Variants in C9orf72 observed in about 807,000 individuals in gnomAD.
The protein encoded by C9orf72 is C9orf72-SMCR8 complex subunit.
Under a neutral mutation model 51.6 loss-of-function variants are expected in C9orf72, and 44 were observed. The observed-to-expected ratio is 0.85, with a 90% CI of 0.67 to 1.10. The LOEUF (loss-of-function observed/expected upper bound fraction) is 1.10, where lower values mean the gene tolerates loss of function less well. Ranked by LOEUF, C9orf72 falls within the 50% of genes least tolerant of loss-of-function variation. The pLI is 0.00. For synonymous variants in C9orf72, 213 were observed against 194.2 expected, an observed-to-expected ratio of 1.10 and a Z score of -0.81; for missense variants, 607 against 570.6, an observed-to-expected ratio of 1.06 and a Z score of -0.65.
Position 27,566,879 on chromosome 9 carries a change from T to A in C9orf72, c.242A>T (p.Asp81Val). 1 of 1,613,976 alleles carries A rather than the reference T, an allele frequency of 6.2e-7. No individual in the cohort carries two copies. Among genetic ancestry groups the A allele is most frequent in the Admixed American group, 1.7e-5 (1 of 59,986 alleles). ...TTCAGACAAGACAAAAAACTTTACA[T>A]CTATAGCACCACTCTCTGCATTTCG... ...ILRNAESGAI[D>V]VKFFVLSEKG... The change falls in exon 2 of 11, where the codon GAT becomes GTT. Residue 81 changes from aspartate (D) to valine (V), a missense_variant. Physicochemically the swap from Asp to Val is radical, Grantham distance 152. Coordinates refer to ENST00000380003, the MANE Select transcript of C9orf72 (RefSeq NM_018325.5).
intron 9 of C9orf72, among the ~76,000 whole-genome samples, 200 bp from the exon 10 acceptor site, chr9:27,548,866 G>A (rs1820842217): frequency 6.8e-6 from 1 of 146,680 alleles, no homozygotes. Context: ...TTTTTTTTGA[G>A]ACGGAGTCTA....
At chr9:27,571,440 C>T (rs778508669) in intron 1 of C9orf72, among the ~76,000 whole-genome samples, 3 of 152,088 alleles carry the variant, frequency 2.0e-5, no homozygotes, top group African/African-American at 4.8e-5. Context: ...AGTGAAAATT[C>T]TACAATCATA....
intron 8 of C9orf72, among the ~76,000 whole-genome samples, chr9:27,553,874 A>T (rs1156610971): frequency 1.3e-5 from 2 of 152,308 alleles, no homozygotes; most frequent in Middle Eastern, 3.4e-3. Flanking sequence ...ACCCCACTAC[A>T]AACTGGGCAA....
chr9:27,566,863 G>C lies in C9orf72; in HGVS notation c.258C>G (p.Val86=). 1 of 1,613,858 alleles carries C rather than the reference G, an allele frequency of 6.2e-7. No homozygotes were observed. The highest frequency in any genetic ancestry group is 8.5e-7 in the Non-Finnish European group (1 of 1,179,892). ...CAATAATCACTCCCTTTTCAGACAA[G>C]ACAAAAAACTTTACATCTATAGCAC... ...ESGAIDVKFF[V]LSEKGVIIVS... Residue 86 remains valine (V), a synonymous_variant, in exon 2 of 11, where the codon GTC becomes GTG. Transcript: ENST00000380003.
intron 8 of C9orf72, among the ~76,000 whole-genome samples, chr9:27,555,293 C>G (rs1820986339): frequency 6.6e-6 from 1 of 152,162 alleles, no homozygotes; most frequent in Admixed American, 6.5e-5. Context: ...AAAAATGGGT[C>G]CTATATTAAG....
At position 27,561,632 on chromosome 9, in the gene C9orf72, G is replaced by A. The variant is rs756381310; in HGVS notation, c.618C>T (p.Leu206=). ...PEEIDIADTV[L]NDDDIGDSCH... ...AGCTGTCACCAATATCATCATCATT[G>A]AGTACTGTATCAGCTATCTAAAATG... Residue 206 remains leucine (L), a synonymous_variant, in exon 5 of 11, where the codon CTC becomes CTT. Coordinates refer to ENST00000380003, the MANE Select transcript of C9orf72 (RefSeq NM_018325.5). The A allele has an allele frequency of 1.2e-6, 2 of 1,605,456 alleles. No homozygotes were observed. The highest frequency in any genetic ancestry group is 8.5e-7 in the Non-Finnish European group (1 of 1,173,318).
intron 2 of C9orf72, among the ~76,000 whole-genome samples, chr9:27,566,129 C>T (rs772591290): frequency 4.6e-5 from 7 of 152,082 alleles, no homozygotes; most frequent in African/African-American, 7.2e-5. Flanking sequence ...CAAAACTATA[C>T]TGAAATGTAA....
chr9:27,572,668 G>C (rs762979941), intron 1 of C9orf72, among the ~76,000 whole-genome samples: 1 of 152,116 alleles, frequency 6.6e-6, no homozygotes, highest in African/African-American at 2.4e-5. Context: ...CCTCCCTCCT[G>C]TTTCTGAATA....
intron 8 of C9orf72, among the ~76,000 whole-genome samples, chr9:27,553,781 AT>A (rs889386190): frequency 6.6e-6 from 1 of 152,190 alleles, no homozygotes; most frequent in African/African-American, 2.4e-5. Flanking sequence ...TGGGAGAAAA[AT>A]ATCTGCAAAC....
In C9orf72 at chr9:27,566,703, G is replaced by T; in HGVS notation, c.418C>A (p.Arg140=). The change falls in exon 2 of 11, where the codon CGG becomes AGG. Residue 140 remains arginine, a synonymous_variant. Coordinates refer to ENST00000380003, the MANE Select transcript of C9orf72 (RefSeq NM_018325.5). Reference sequence around the variant, plus strand: ...TTATGCATCCATATTCTTCCTTTCCGGATTATATGTGTTAATCTATCAACA... The same window carrying T: ...TTATGCATCCATATTCTTCCTTTCCTGATTATATGTGTTAATCTATCAACA... ...VCVDRLTHII[R]KGRIWMHKER... The T allele has an allele frequency of 6.2e-7, 1 of 1,605,822 alleles. No individual in the cohort carries two copies. Among genetic ancestry groups the T allele is most frequent in the Non-Finnish European group, 8.5e-7 (1 of 1,174,866 alleles).
At chr9:27,552,399 G>A (rs575454097) in intron 8 of C9orf72, among the ~76,000 whole-genome samples, 175 of 152,164 alleles carry the variant, frequency 1.2e-3, no homozygotes, top group Non-Finnish European at 2.0e-3. Context: ...CCAGGCTGGA[G>A]TGCGGTGGCA....
rs117058750 is a variant in C9orf72, at chr9:27,567,335, A to T, written c.-44-171T>A. On this transcript the variant is annotated intron_variant, in intron 1 of 10. Transcript: ENST00000380003. Reference sequence around the variant, plus strand: ...AACTAGCACAGTAGGTGCACATTAAATGTTTGTTGATATGATCATTTTACA... The same window carrying T: ...AACTAGCACAGTAGGTGCACATTAATTGTTTGTTGATATGATCATTTTACA... 7.7e-3 allele frequency among the ~76,000 whole-genome samples: 1,177 copies of T among 152,292 alleles called. 48 individuals carry two copies. The highest frequency in any genetic ancestry group is 0.069 in the Admixed American group (1,051 of 15,290).
intron 8 of C9orf72, among the ~76,000 whole-genome samples, chr9:27,554,149 G>A (rs901096738): frequency 1.3e-5 from 2 of 152,042 alleles, no homozygotes; most frequent in African/African-American, 4.8e-5. Context: ...ATTCACCCTA[G>A]CAACCCCATT....
In C9orf72 at chr9:27,547,085, C is replaced by T. The variant is rs1265055716; in HGVS notation, c.*1151G>A. The T allele has an allele frequency of 2.6e-5, 4 of 152,466 alleles. No homozygotes were observed. The highest frequency in any genetic ancestry group is 4.8e-5 in the African/African-American group (2 of 41,382). The allele number at this position is 152,466 out of a possible 1,614,324, so 9.4% of individuals were successfully genotyped here. Reference sequence around the variant, plus strand: ...TTTATAGCCAGCAAAATGGTCCAAACGCATTAAGAAAACAAAAGATAACTT... The same window carrying T: ...TTTATAGCCAGCAAAATGGTCCAAATGCATTAAGAAAACAAAAGATAACTT... On this transcript the variant is annotated 3_prime_UTR_variant, in exon 11 of 11. Transcript: ENST00000380003.
Position 27,548,674 on chromosome 9 carries a change from G to A in C9orf72, c.1150-8C>T, listed in dbSNP as rs1037213590. The A allele has an allele frequency of 4.7e-6, 7 of 1,503,062 alleles. No homozygotes were observed. The highest frequency in any genetic ancestry group is 5.6e-6 in the Non-Finnish European group (6 of 1,079,544). 93.1% of individuals were successfully genotyped at this position (1,503,062 alleles called of 1,614,324 possible). A position where few individuals can be genotyped will look rare whatever the true frequency, so the allele number is the denominator to read the frequency against. On this transcript the variant is annotated splice_region_variant and splice_polypyrimidine_tract_variant and intron_variant, in intron 9 of 10. Coordinates refer to ENST00000380003, the MANE Select transcript of C9orf72 (RefSeq NM_018325.5). ...AGGTTTCAGCTGAAAGACCTGCAGG[G>A]AGAGGAACCATTTCAACACATAATT...
chr9:27,571,654 G>A (rs144478569), intron 1 of C9orf72, among the ~76,000 whole-genome samples: 3 of 152,176 alleles, frequency 2.0e-5, no homozygotes, highest in African/African-American at 4.8e-5. Flanking sequence ...CAGGGTCTAC[G>A]TTGCCCAGGT....
At position 27,558,608 on chromosome 9, in the gene C9orf72, C is replaced by T; in HGVS notation, c.739-1G>A. The T allele has an allele frequency of 1.3e-6, 2 of 1,492,120 alleles. No homozygotes were observed. The highest frequency in any genetic ancestry group is 1.8e-6 in the Non-Finnish European group (2 of 1,092,022). The allele number at this position is 1,492,120 out of a possible 1,614,324, so 92.4% of individuals were successfully genotyped here. On this transcript the variant is annotated splice_acceptor_variant, in intron 6 of 10. Coordinates refer to ENST00000380003, the MANE Select transcript of C9orf72 (RefSeq NM_018325.5). LOFTEE classifies it high-confidence loss of function. ...GAAAAAGGCATAATGTTCTGACTAT[C>T]TATAAAAGAAAATATTTTAGCATTA...
intron 9 of C9orf72, among the ~76,000 whole-genome samples, chr9:27,550,162 T>C (rs1481239740): frequency 1.3e-5 from 2 of 150,636 alleles, no homozygotes; most frequent in Non-Finnish European, 3.0e-5. Flanking sequence ...GCTGGTAATA[T>C]GTATATATGC....
chr9:27,565,794 T>C (rs1037254886), intron 2 of C9orf72, among the ~76,000 whole-genome samples: 1 of 152,048 alleles, frequency 6.6e-6, no homozygotes, highest in Non-Finnish European at 1.5e-5. Flanking sequence ...AAAACAACCT[T>C]TATTCTGCAG....
Sources: allele counts gnomAD v4.1 joint callset (sites outside exome capture counted in the v4.1 genomes callset), GRCh38; gene constraint gnomAD v4.1.1; transcripts MANE v1.5; gene names NCBI Gene and HGNC (gene_info 2026-07-23, HGNC 2026-07-21).